TRAPPC9: variants seen among roughly 807,000 people sequenced by gnomAD.
The protein encoded by TRAPPC9 is IKK2 binding protein.
A neutral mutation model predicts 124.0 loss-of-function variants in TRAPPC9; 83 were observed. The observed-to-expected ratio is 0.67, with a 90% CI of 0.56 to 0.80. The LOEUF (loss-of-function observed/expected upper bound fraction) is 0.80, where lower values mean the gene tolerates loss of function less well. Among genes scored for constraint, TRAPPC9 ranks in the 30% least tolerant of loss-of-function variants. The pLI, the probability that TRAPPC9 is intolerant of heterozygous loss-of-function variation, is 0.00. For synonymous variants in TRAPPC9, 638 were observed against 617.5 expected (o/e 1.03, Z -0.49); for missense variants, 1,302 against 1,508.3 (o/e 0.86, Z 2.27).
intron 17 of TRAPPC9, among the ~76,000 whole-genome samples, chr8:140,080,909 G>A (rs1234703337): frequency 6.6e-6 from 1 of 152,290 alleles, no homozygotes. Flanking sequence ...AGAGCACAAA[G>A]GGTTTCATGT....
chr8:139,733,670 C>T (rs964777525), intron 21 of TRAPPC9, among the ~76,000 whole-genome samples: 4 of 152,196 alleles, frequency 2.6e-5, no homozygotes, highest in Non-Finnish European at 5.9e-5. Flanking sequence ...GATGGTGACA[C>T]GCATAGGGAG....
chr8:140,315,061 G>A (rs549850876), intron 9 of TRAPPC9, among the ~76,000 whole-genome samples: 38 of 152,220 alleles, frequency 2.5e-4, no homozygotes, highest in South Asian at 2.1e-3. Flanking sequence ...CACCAATAGC[G>A]TGTAAAGAAC....
intron 21 of TRAPPC9, among the ~76,000 whole-genome samples, chr8:139,809,098 A>G (rs1824260553): frequency 6.6e-6 from 1 of 152,266 alleles, no homozygotes; most frequent in Admixed American, 6.5e-5. Flanking sequence ...TATCAAAAAC[A>G]TCTATTTTGA....
chr8:139,775,456 G>A (rs949246476), intron 21 of TRAPPC9, among the ~76,000 whole-genome samples: 1 of 152,224 alleles, frequency 6.6e-6, no homozygotes, highest in African/African-American at 2.4e-5. Context: ...CCTTTGGCCT[G>A]GGCTGGGCCC....
At chr8:140,278,773 C>T (rs1166080173) in intron 14 of TRAPPC9, among the ~76,000 whole-genome samples, 4 of 152,220 alleles carry the variant, frequency 2.6e-5, no homozygotes, top group Non-Finnish European at 4.4e-5. Context: ...TCTGGGCACC[C>T]GCGACTCCCA....
At chr8:140,289,674 A>AT in intron 12 of TRAPPC9, among the ~76,000 whole-genome samples, 3 of 113,948 alleles carry the variant, frequency 2.6e-5, no homozygotes, top group African/African-American at 1.0e-4. Flanking sequence ...TGAAAGCTAC[A>AT]TTTTAAGACC....
At position 140,322,899 on chromosome 8, in the gene TRAPPC9, C is replaced by G. The variant is rs111325596; in HGVS notation, c.1496-11525G>C. On this transcript the variant is annotated intron_variant, in intron 9 of 22. Transcript: ENST00000438773. ...ATACAAGCATGATATCGTAAAATAT[C>G]TACTTGGCCTTTGACTACCTTGCCT... is the stretch of plus-strand genomic sequence containing the variant. 1.1e-3 allele frequency among the ~76,000 whole-genome samples: 173 copies of G among 152,328 alleles called. 1 individual carries two copies. The highest frequency in any genetic ancestry group is 4.0e-3 in the African/African-American group (168 of 41,566).
At chr8:140,273,459 C>G (rs1378408787) in intron 15 of TRAPPC9, among the ~76,000 whole-genome samples, 1 of 152,176 alleles carries the variant, frequency 6.6e-6, no homozygotes, top group African/African-American at 2.4e-5. Context: ...GTTCCCTTAT[C>G]CTAGAGACAG....
intron 18 of TRAPPC9, among the ~76,000 whole-genome samples, chr8:139,989,498 C>A (rs2169409): frequency 6.6e-6 from 1 of 152,226 alleles, no homozygotes; most frequent in Non-Finnish European, 1.5e-5. Context: ...TGATGAAGTT[C>A]TAGCCAGTAA....
In TRAPPC9 at chr8:140,353,194, C is replaced by T. The variant is rs905818533; in HGVS notation, c.1495+6856G>A. On this transcript the variant is annotated intron_variant, in intron 9 of 22. Transcript: ENST00000438773. The surrounding 1 kb of genome is among the most constrained non-coding windows in gnomAD (Gnocchi z 4.2). ...GCAACGCAAACCATCTATACTCTAG[C>T]GTGAGAACATCACACTCCCTGCCAT... Among the ~76,000 whole-genome samples, 6 of 152,168 alleles carry T rather than the reference C, an allele frequency of 3.9e-5. No homozygotes were observed. The highest frequency in any genetic ancestry group is 1.5e-5 in the Non-Finnish European group (1 of 68,032).
intron 19 of TRAPPC9, among the ~76,000 whole-genome samples, chr8:139,937,914 G>A (rs1833639182): frequency 6.6e-6 from 1 of 152,182 alleles, no homozygotes; most frequent in Non-Finnish European, 1.5e-5. Context: ...GCCGACAGGT[G>A]AAATGCATTA....
chr8:139,762,882 T>C (rs2130369469), intron 21 of TRAPPC9, among the ~76,000 whole-genome samples: 3 of 152,250 alleles, frequency 2.0e-5, no homozygotes, highest in East Asian at 3.9e-4. Flanking sequence ...AGGACCAAGT[T>C]CCCAGTCTCA....
At chr8:140,290,191 C>A (rs1490129779) in intron 12 of TRAPPC9, among the ~76,000 whole-genome samples, 1 of 152,192 alleles carries the variant, frequency 6.6e-6, no homozygotes, top group Admixed American at 6.5e-5. Context: ...GGGACCGACA[C>A]GTGGCAAGAG....
chr8:139,956,757 C>G (rs1319156561), intron 19 of TRAPPC9, among the ~76,000 whole-genome samples: 4 of 152,194 alleles, frequency 2.6e-5, no homozygotes, highest in African/African-American at 9.7e-5. Context: ...GTTGTGCCAC[C>G]CCGGGCAGGT....
chr8:139,893,522 T>G (rs558739531), intron 20 of TRAPPC9, among the ~76,000 whole-genome samples: 1 of 152,382 alleles, frequency 6.6e-6, no homozygotes, highest in East Asian at 1.9e-4. Context: ...CGTGAACACC[T>G]TTCTTTGAAG....
intron 21 of TRAPPC9, among the ~76,000 whole-genome samples, chr8:139,786,415 C>T (rs1014245592): frequency 2.6e-5 from 4 of 151,894 alleles, no homozygotes; most frequent in Admixed American, 6.6e-5. Flanking sequence ...ACATCAAGTG[C>T]GGTGGGGAGG....
At chr8:140,124,312 T>TG (rs1475190010) in intron 17 of TRAPPC9, among the ~76,000 whole-genome samples, 1 of 152,156 alleles carries the variant, frequency 6.6e-6, no homozygotes, top group African/African-American at 2.4e-5. Flanking sequence ...TCCCTGGCTG[T>TG]GGCCCCTTGC....
rs1249315468 is a variant in TRAPPC9, at chr8:140,104,029, G to T, written c.2557-79950C>A. 6.6e-6 allele frequency among the ~76,000 whole-genome samples: 1 copy of T among 152,180 alleles called. No homozygotes were observed. The highest frequency in any genetic ancestry group is 2.4e-5 in the African/African-American group (1 of 41,428). On this transcript the variant is annotated intron_variant, in intron 17 of 22. Coordinates refer to ENST00000438773, the MANE Select transcript of TRAPPC9 (RefSeq NM_001160372.4). This position sits in a 1 kb window ranked among gnomAD's most constrained non-coding sequence, Gnocchi z 4.0. ...TTGGCATGCATCTCTAAATCCAGACGCTGGACCATCCCTTTGCTTCCTATG... is the reference window on the plus strand; with the variant it reads ...TTGGCATGCATCTCTAAATCCAGACTCTGGACCATCCCTTTGCTTCCTATG...
intron 21 of TRAPPC9, among the ~76,000 whole-genome samples, chr8:139,777,682 A>G (rs2130499686): frequency 6.6e-6 from 1 of 152,386 alleles, no homozygotes; most frequent in East Asian, 1.9e-4. Flanking sequence ...ACGGAGTAAC[A>G]AGGATAGATT....
Sources: gnomAD v4.1 joint callset for allele counts (sites outside exome capture counted in the v4.1 genomes callset) on GRCh38, gnomAD v4.1.1 for gene constraint, Gnocchi (gnomAD v3.1) non-coding constraint, MANE v1.5 for transcripts, NCBI Gene and HGNC (gene_info 2026-07-23, HGNC 2026-07-21) for gene names.